RAVER2: variants seen among roughly 807,000 people sequenced by gnomAD.
The protein encoded by RAVER2 is ribonucleoprotein PTB-binding 2.
Under a neutral mutation model 78.1 loss-of-function variants are expected in RAVER2, and 46 were observed. That is an observed-to-expected ratio of 0.59 (90% CI 0.46 to 0.75). RAVER2 has a LOEUF of 0.75. Among genes scored for constraint, RAVER2 ranks in the 30% least tolerant of loss-of-function variants. The pLI is 0.00. For synonymous variants in RAVER2, 311 were observed against 313.3 expected (o/e 0.99, Z 0.08); for missense variants, 793 against 837.5 (o/e 0.95, Z 0.66).
intron 2 of RAVER2, among the ~76,000 whole-genome samples, chr1:64,774,562 T>A (rs1652410766): frequency 6.6e-6 from 1 of 152,214 alleles, no homozygotes; most frequent in Non-Finnish European, 1.5e-5. Context: ...AGTACCATGC[T>A]GTTTTGGCTA....
At position 64,755,745 on chromosome 1, in the gene RAVER2, T is replaced by G. The variant is rs996134823; in HGVS notation, c.249+10324T>G. The stretch of plus-strand genomic sequence containing the variant: ...CATAGTTTTTTTTTTTTTTTTTTTT[T>G]TTTTTTTTGTAGCCAGAACTAGAGT... On this transcript the variant is annotated intron_variant, in intron 1 of 11. Coordinates refer to ENST00000294428, the Ensembl canonical transcript of RAVER2. Among the ~76,000 whole-genome samples, 6 of 145,902 alleles carry G rather than the reference T, an allele frequency of 4.1e-5. No homozygotes were observed. In the East Asian group the frequency reaches 9.9e-4, roughly 24 times the overall value.
chr1:64,773,515 C>A (rs1652378483), intron 2 of RAVER2, among the ~76,000 whole-genome samples: 1 of 152,066 alleles, frequency 6.6e-6, no homozygotes, highest in African/African-American at 2.4e-5. Flanking sequence ...TGAACTCATC[C>A]TTTTTTATGG....
intron 5 of RAVER2, among the ~76,000 whole-genome samples, chr1:64,791,489 C>A (rs1168394692): frequency 1.3e-5 from 2 of 152,226 alleles, no homozygotes; most frequent in East Asian, 3.9e-4. Context: ...TCCTGTAACT[C>A]AAGAAAATAC....
intron 5 of RAVER2, among the ~76,000 whole-genome samples, chr1:64,791,999 C>T (rs1652956246): frequency 6.6e-6 from 1 of 152,054 alleles, no homozygotes; most frequent in African/African-American, 2.4e-5. Context: ...TTGAGCAGAG[C>T]CCCAGTATAT....
At chr1:64,801,520 C>CTT (rs201988176) in intron 5 of RAVER2, among the ~76,000 whole-genome samples, 71 of 144,860 alleles carry the variant, frequency 4.9e-4, no homozygotes, top group African/African-American at 1.2e-3. Flanking sequence ...AACATCCTCC[C>CTT]TTTTTTTTTT....
At chr1:64,809,521 T>TAAATAAATAAAA (rs71584461) in intron 9 of RAVER2, among the ~76,000 whole-genome samples, 3 of 151,588 alleles carry the variant, frequency 2.0e-5, no homozygotes, top group African/African-American at 4.9e-5. Context: ...AATAAATAAA[T>TAAATAAATAAAA]AAAAGAGATT....
intron 11 of RAVER2, among the ~76,000 whole-genome samples, chr1:64,817,116 A>G (rs968664161): frequency 1.3e-5 from 2 of 152,272 alleles, no homozygotes; most frequent in Non-Finnish European, 2.9e-5. Flanking sequence ...CACTTCTCAA[A>G]AGAAGACATT....
intron 1 of RAVER2, among the ~76,000 whole-genome samples, chr1:64,763,954 A>ACACACACACACACC (rs1186925233): frequency 4.7e-5 from 7 of 149,144 alleles, no homozygotes; most frequent in African/African-American, 1.7e-4. Flanking sequence ...ACACACACAC[A>ACACACACACACACC]CCCCTACCAT....
chr1:64,753,805 A>G (rs1419530639), intron 1 of RAVER2, among the ~76,000 whole-genome samples: 1 of 152,150 alleles, frequency 6.6e-6, no homozygotes, highest in Non-Finnish European at 1.5e-5. Context: ...TACAGGCGTG[A>G]GCCACCGTGC....
At chr1:64,780,699 C>T (rs1399668490) in intron 3 of RAVER2, among the ~76,000 whole-genome samples, 1 of 152,142 alleles carries the variant, frequency 6.6e-6, no homozygotes, top group Non-Finnish European at 1.5e-5. Context: ...TATTTTTGCT[C>T]TTTGTACCAG....
intron 5 of RAVER2, among the ~76,000 whole-genome samples, chr1:64,797,993 T>C (rs1653144776): frequency 6.6e-6 from 1 of 150,972 alleles, no homozygotes; most frequent in Non-Finnish European, 1.5e-5. Context: ...TACATATGTA[T>C]ACATGTGCCA....
intron 4 of RAVER2, among the ~76,000 whole-genome samples, chr1:64,786,568 A>G (rs1652785552): frequency 6.6e-6 from 1 of 152,202 alleles, no homozygotes; most frequent in South Asian, 2.1e-4. Context: ...AGGCAGGTGG[A>G]TCACCTGAGG....
At chr1:64,770,783 A>G (rs774192461) in intron 2 of RAVER2, among the ~76,000 whole-genome samples, 3 of 152,056 alleles carry the variant, frequency 2.0e-5, no homozygotes, top group Non-Finnish European at 4.4e-5. Flanking sequence ...GATGAAAATT[A>G]CAACATCTGA....
At chr1:64,824,954 A>G (rs1285552316) in intron 11 of RAVER2, among the ~76,000 whole-genome samples, 1 of 141,286 alleles carries the variant, frequency 7.1e-6, no homozygotes, top group Non-Finnish European at 1.6e-5. Context: ...AAAAAAAAAA[A>G]AAAAATTAGT....
chr1:64,793,109 A>G (rs573965742), intron 5 of RAVER2, among the ~76,000 whole-genome samples: 1 of 152,324 alleles, frequency 6.6e-6, no homozygotes, highest in East Asian at 1.9e-4. Context: ...AGGCTAAGGC[A>G]GGAGAATGAC....
chr1:64,808,112 T>C (rs949392703), intron 9 of RAVER2, among the ~76,000 whole-genome samples: 21 of 152,314 alleles, frequency 1.4e-4, no homozygotes, highest in African/African-American at 5.0e-4. Context: ...TATTAAACTC[T>C]GGTCTGTTCA....
At chr1:64,750,603 G>T (rs1651673880) in intron 1 of RAVER2, among the ~76,000 whole-genome samples, 1 of 151,954 alleles carries the variant, frequency 6.6e-6, no homozygotes, top group Non-Finnish European at 1.5e-5. Context: ...CATATTTTAT[G>T]TCCTTTAACT....
chr1:64,775,629 ACCTTACAG>A (rs1652439679), intron 2 of RAVER2, among the ~76,000 whole-genome samples: 1 of 152,236 alleles, frequency 6.6e-6, no homozygotes, highest in Non-Finnish European at 1.5e-5. Context: ...AAGGAGTACT[ACCTTACAG>A]CTGTGAGTGG....
At chr1:64,812,937 C>A in intron 10 of RAVER2, 88 bp downstream of exon 10, 2 of 884,546 alleles carry the variant, frequency 2.3e-6, no homozygotes, top group Non-Finnish European at 3.3e-6. Flanking sequence ...TTCATGGAAG[C>A]AAATAATACC....
Sources: allele counts gnomAD v4.1 joint callset (sites outside exome capture counted in the v4.1 genomes callset), GRCh38; gene constraint gnomAD v4.1.1; transcripts MANE v1.5; gene names NCBI Gene and HGNC (gene_info 2026-07-23, HGNC 2026-07-21).